The following NRN1 variants were observed in gnomAD, a reference collection of about 807,000 sequenced individuals.
NRN1 encodes the protein neuritin.
A neutral mutation model predicts 15.0 loss-of-function variants in NRN1; 4 were observed. That is an observed-to-expected ratio of 0.27 (90% CI 0.13 to 0.61). The LOEUF is 0.61. Among genes scored for constraint, NRN1 ranks in the 20% least tolerant of loss-of-function variants. NRN1 has a pLI of 0.87. For synonymous variants in NRN1, 85 were observed against 79.8 expected (o/e 1.07, Z -0.35); for missense variants, 134 against 181.9 (o/e 0.74, Z 1.51).
intron 1 of NRN1, among the ~76,000 whole-genome samples, chr6:6,006,129 C>T (rs191410964): frequency 3.1e-3 from 475 of 152,318 alleles, no homozygotes; most frequent in Non-Finnish European, 5.2e-3. Flanking sequence ...GTCTGAAGTT[C>T]CCTATCACTC....
chr6:6,002,530 C>G (rs747510501), intron 1 of NRN1, 33 bp from the exon 2 acceptor site: 3 of 1,600,710 alleles, frequency 1.9e-6, no homozygotes, highest in Non-Finnish European at 2.6e-6. Flanking sequence ...GTCAGCAGCG[C>G]CACGACCCCG....
chr6:6,000,015 T>A (rs1757896395), intron 2 of NRN1, among the ~76,000 whole-genome samples: 1 of 152,198 alleles, frequency 6.6e-6, no homozygotes, highest in Non-Finnish European at 1.5e-5. Flanking sequence ...CGAATCCAAG[T>A]GTCCCAGGCC....
chr6:6,001,340 AAC>A (rs1254111089), intron 2 of NRN1, among the ~76,000 whole-genome samples: 1 of 152,212 alleles, frequency 6.6e-6, no homozygotes, highest in Non-Finnish European at 1.5e-5. Context: ...GCTGTTTTGA[AAC>A]AGTTATTTTG....
intron 1 of NRN1, chr6:6,003,705 G>C (rs547881915): frequency 8.1e-7 from 1 of 1,234,392 alleles, no homozygotes; most frequent in South Asian, 4.1e-5. Flanking sequence ...ACAGGTACCA[G>C]GCTGCGGGCG....
chr6:5,998,841 T>C lies in NRN1; in HGVS notation c.*135A>G. 1 of 638,940 alleles carries C rather than the reference T, an allele frequency of 1.6e-6. No individual in the cohort carries two copies. Among genetic ancestry groups the C allele is most frequent in the Non-Finnish European group, 2.7e-6 (1 of 371,788 alleles). The allele number at this position is 638,940 out of a possible 1,614,324, so 39.6% of individuals were successfully genotyped here. A position where few individuals can be genotyped will look rare whatever the true frequency, so the allele number is the denominator to read the frequency against. On this transcript the variant is annotated 3_prime_UTR_variant, in exon 3 of 3. Coordinates refer to ENST00000244766, the MANE Select transcript of NRN1 (RefSeq NM_016588.3). ...CGAAATAAAAAAGAGAATCAGGATT[T>C]CCCACAATCCTATATGAGTGTTTTC...
intron 2 of NRN1, among the ~76,000 whole-genome samples, chr6:6,001,200 A>G (rs1382784711): frequency 6.6e-6 from 1 of 152,208 alleles, no homozygotes; most frequent in Non-Finnish European, 1.5e-5. Context: ...CAAAACCTAA[A>G]CAAACACCCG....
At chr6:6,003,717 G>A (rs1758030345) in intron 1 of NRN1, 2 of 1,234,224 alleles carry the variant, frequency 1.6e-6, no homozygotes, top group South Asian at 4.1e-5. Flanking sequence ...CTGCGGGCGC[G>A]CGGCTGTGGC....
chr6:6,000,719 GCT>G (rs1757919196), intron 2 of NRN1, among the ~76,000 whole-genome samples: 1 of 85,416 alleles, frequency 1.2e-5, no homozygotes. Flanking sequence ...TGCCTAAATT[GCT>G]CTTTTTTTTT....
chr6:6,006,921 A>AAG lies in NRN1; in HGVS notation c.-174_-173dup, dbSNP rs1225174993. 1.2e-4 allele frequency: 42 copies of AAG among 352,876 alleles called. No homozygotes were observed. Among genetic ancestry groups the AAG allele is most frequent in the Middle Eastern group, 6.3e-4 (1 of 1,588 alleles). 21.9% of individuals were successfully genotyped at this position (352,876 alleles called of 1,614,324 possible). A position where few individuals can be genotyped will look rare whatever the true frequency, so the allele number is the denominator to read the frequency against. On this transcript the variant is annotated 5_prime_UTR_variant, in exon 1 of 3. Transcript: ENST00000244766. Reference sequence around the variant, plus strand: ...AGAGAGGGAGCGAGGAAGAGACAGAAAGAGAGAGAGAGAGAGAAAGAGAGA... The same window carrying AAG: ...AGAGAGGGAGCGAGGAAGAGACAGAAAGAGAGAGAGAGAGAGAGAAAGAGAGA...
Position 5,999,040 on chromosome 6 carries a change from A to T in NRN1, c.365T>A (p.Leu122His). ...CACCAGGAGCACCGGGAACGCCGGGAGCAGGGACCCCGCCGCCCCGTTGCC... is the reference window on the plus strand; with the variant it reads ...CACCAGGAGCACCGGGAACGCCGGGTGCAGGGACCCCGCCGCCCCGTTGCC... ...GSGNGAAGSL[L>H]PAFPVLLVSL... Residue 122 changes from leucine to histidine, a missense_variant, in exon 3 of 3, where the codon CTC becomes CAC. Transcript: ENST00000244766. 6.2e-7 allele frequency: 1 copy of T among 1,613,900 alleles called. No homozygotes were observed. Among genetic ancestry groups the T allele is most frequent in the Non-Finnish European group, 8.5e-7 (1 of 1,179,924 alleles).
intron 2 of NRN1, among the ~76,000 whole-genome samples, chr6:6,000,195 GTCC>G (rs1757903662): frequency 5.3e-5 from 8 of 152,150 alleles, no homozygotes; most frequent in Admixed American, 5.2e-4. Flanking sequence ...CCCACCCTCT[GTCC>G]TCCTCTTGCG....
intron 1 of NRN1, 85 bp from the exon 2 acceptor site, chr6:6,002,582 C>G: frequency 6.5e-7 from 1 of 1,533,512 alleles, no homozygotes; most frequent in Non-Finnish European, 8.8e-7. Context: ...CCTGGCTCCG[C>G]GCGGCCTCAT....
chr6:6,000,303 T>A (rs1761228845), intron 2 of NRN1, among the ~76,000 whole-genome samples: 1 of 152,210 alleles, frequency 6.6e-6, no homozygotes, highest in Non-Finnish European at 1.5e-5. Context: ...AACCTGTCCC[T>A]TTTGACTGTC....
intron 1 of NRN1, chr6:6,003,825 G>A (rs1004033135): frequency 4.9e-6 from 6 of 1,233,674 alleles, no homozygotes; most frequent in Non-Finnish European, 3.0e-6. Context: ...GAGAAGCACA[G>A]CGTTAGGGCG....
At chr6:6,002,287 T>C (rs1757969847) in intron 2 of NRN1, 66 bp downstream of exon 2, 4 of 1,573,872 alleles carry the variant, frequency 2.5e-6, no homozygotes, top group Non-Finnish European at 3.5e-6. Context: ...GCGGGGAGGC[T>C]CGGCACTCTC....
chr6:6,006,220 T>C (rs951333473), intron 1 of NRN1, among the ~76,000 whole-genome samples: 13 of 152,084 alleles, frequency 8.5e-5, no homozygotes, highest in Admixed American at 7.2e-4. Flanking sequence ...GGCGGGAGAA[T>C]GACAAAGTTC....
chr6:6,006,458 G>C (rs943322399), intron 1 of NRN1, among the ~76,000 whole-genome samples: 10 of 152,206 alleles, frequency 6.6e-5, no homozygotes, highest in African/African-American at 2.4e-4. Flanking sequence ...GAAAAAAACC[G>C]TGTCCAGAAA....
rs1757844111 is a variant in NRN1, at chr6:5,998,905, G to A, written c.*71C>T. ...ATCACAACGTCCCCAAAGAACTAAT[G>A]GATCTTCCTCTCGATTTCCGGGAGC... On this transcript the variant is annotated 3_prime_UTR_variant, in exon 3 of 3. Transcript: ENST00000244766. 1 of 1,086,864 alleles carries A rather than the reference G, an allele frequency of 9.2e-7. No homozygotes were observed. The highest frequency in any genetic ancestry group is 2.0e-5 in the Admixed American group (1 of 49,338). The allele number at this position is 1,086,864 out of a possible 1,614,324, so 67.3% of individuals were successfully genotyped here.
chr6:6,003,530 C>G (rs1422758021), intron 1 of NRN1, among the ~76,000 whole-genome samples: 1 of 152,212 alleles, frequency 6.6e-6, no homozygotes, highest in East Asian at 1.9e-4. Context: ...GCCCGGGGCT[C>G]CTGGCCCCAG....
Sources: allele counts gnomAD v4.1 joint callset (sites outside exome capture counted in the v4.1 genomes callset), GRCh38; gene constraint gnomAD v4.1.1; transcripts MANE v1.5; gene names NCBI Gene and HGNC (gene_info 2026-07-23, HGNC 2026-07-21).